Variants in PCLO observed in about 807,000 individuals in gnomAD.
PCLO encodes the protein piccolo presynaptic cytomatrix protein.
In PCLO, 82 loss-of-function variants were observed where a neutral mutation model predicts 427.5. That is an observed-to-expected ratio of 0.19 (90% CI 0.16 to 0.23). The LOEUF is 0.23. Among genes scored for constraint, PCLO ranks in the 10% least tolerant of loss-of-function variants. The probability of loss-of-function intolerance (pLI) is 1.00; values close to 1 mark genes in which losing one functional copy is unlikely to be tolerated. For synonymous variants in PCLO, 2,357 were observed against 2,155.4 expected (o/e 1.09, Z -2.59); for missense variants, 6,239 against 6,115.9 (o/e 1.02, Z -0.67).
intron 3 of PCLO, among the ~76,000 whole-genome samples, chr7:82,970,479 T>C (rs2115695770): frequency 6.6e-6 from 1 of 152,078 alleles, no homozygotes; most frequent in East Asian, 1.9e-4. Context: ...CTGAGGAATT[T>C]AGTTTGAAAC....
At chr7:83,022,098 G>T (rs1405014892) in intron 3 of PCLO, among the ~76,000 whole-genome samples, 1 of 152,146 alleles carries the variant, frequency 6.6e-6, no homozygotes. Context: ...GTACTGAAGT[G>T]ATGAGGGAGG....
chr7:83,081,126 T>C (rs928276388), intron 3 of PCLO, among the ~76,000 whole-genome samples: 1 of 151,990 alleles, frequency 6.6e-6, no homozygotes, highest in Non-Finnish European at 1.5e-5. Flanking sequence ...AGTGATAATC[T>C]GACAAAGTAG....
At chr7:83,001,851 C>T (rs184472847) in intron 3 of PCLO, among the ~76,000 whole-genome samples, 21 of 152,060 alleles carry the variant, frequency 1.4e-4, no homozygotes, top group Middle Eastern at 3.4e-3. Flanking sequence ...CCTCTGCTTG[C>T]GCTGTTTGTT....
intron 3 of PCLO, among the ~76,000 whole-genome samples, chr7:83,002,823 A>G (rs1051782393): frequency 1.3e-5 from 2 of 151,870 alleles, no homozygotes; most frequent in Admixed American, 1.3e-4. Flanking sequence ...TTTACTATGC[A>G]AATAATATGT....
chr7:82,907,962 A>T (rs1490844293), intron 8 of PCLO, among the ~76,000 whole-genome samples: 1 of 152,084 alleles, frequency 6.6e-6, no homozygotes, highest in Non-Finnish European at 1.5e-5. Flanking sequence ...GAATTATAGT[A>T]AGTCTATATG....
chr7:82,980,456 A>G (rs1336942963), intron 3 of PCLO, among the ~76,000 whole-genome samples: 4 of 152,160 alleles, frequency 2.6e-5, no homozygotes, highest in African/African-American at 7.2e-5. Flanking sequence ...TTTTTGAGTT[A>G]GAAAGTGGCA....
At chr7:83,122,168 A>G (rs1211002352) in intron 3 of PCLO, among the ~76,000 whole-genome samples, 2 of 152,196 alleles carry the variant, frequency 1.3e-5, no homozygotes, top group African/African-American at 4.8e-5. Context: ...CGACACAATA[A>G]AAGCCATATA....
intron 7 of PCLO, among the ~76,000 whole-genome samples, chr7:82,910,574 A>G (rs1794298425): frequency 6.6e-6 from 1 of 152,104 alleles, no homozygotes; most frequent in South Asian, 2.1e-4. Context: ...CCTTCCCTCA[A>G]TACTAAAATC....
At chr7:82,886,793 G>A (rs987019096) in intron 9 of PCLO, among the ~76,000 whole-genome samples, 1 of 152,106 alleles carries the variant, frequency 6.6e-6, no homozygotes, top group African/African-American at 2.4e-5. Flanking sequence ...ATTTCATGGT[G>A]TTAATAACTG....
At position 83,159,513 on chromosome 7, in the gene PCLO, C is replaced by A. The variant is rs140130221; in HGVS notation, c.248+2832G>T. ...CATGAGCATTTCATTTGTAACCTGT[C>A]TTCTACTGCTAGCTTGTAACTACTT... On this transcript the variant is annotated intron_variant, in intron 1 of 24. Coordinates refer to ENST00000333891, the MANE Select transcript of PCLO (RefSeq NM_033026.6). 4.3e-4 allele frequency among the ~76,000 whole-genome samples: 66 copies of A among 152,146 alleles called. 1 individual carries two copies. In the East Asian group the frequency reaches 0.011, roughly 26 times the overall value.
intron 22 of PCLO, among the ~76,000 whole-genome samples, chr7:82,785,893 C>G (rs939740681): frequency 3.3e-5 from 5 of 152,090 alleles, no homozygotes; most frequent in African/African-American, 1.2e-4. Context: ...AGGAGATAAA[C>G]TGGAGAAGTA....
intron 10 of PCLO, among the ~76,000 whole-genome samples, chr7:82,859,679 G>T (rs2115903017): frequency 6.6e-6 from 1 of 152,164 alleles, no homozygotes; most frequent in East Asian, 1.9e-4. Context: ...ATACCTAAGG[G>T]TCTTCAATGC....
chr7:82,849,001 G>A, intron 10 of PCLO: 1 of 273,112 alleles, frequency 3.7e-6, no homozygotes, highest in Non-Finnish European at 7.8e-6. Flanking sequence ...CGCTGAAAGA[G>A]GAAAATAAAG....
At chr7:82,879,762 A>G in intron 9 of PCLO, 1 of 433,596 alleles carries the variant, frequency 2.3e-6, no homozygotes, top group East Asian at 6.4e-5. Flanking sequence ...ATTTTGTAAA[A>G]ATTTTATGAG....
chr7:82,926,154 G>C (rs1252765630), intron 6 of PCLO, among the ~76,000 whole-genome samples: 2 of 152,118 alleles, frequency 1.3e-5, no homozygotes, highest in African/African-American at 4.8e-5. Context: ...TTGCAATAGG[G>C]CACAGTGTTT....
chr7:82,923,419 A>T, intron 6 of PCLO, among the ~76,000 whole-genome samples: 1 of 152,090 alleles, frequency 6.6e-6, no homozygotes, highest in East Asian at 1.9e-4. Flanking sequence ...CAAACTACAT[A>T]TTAAAATCTT....
In PCLO at chr7:82,840,956, TTATA is replaced by T. The variant is rs1166681253; in HGVS notation, c.14097+499_14097+502del. On this transcript the variant is annotated intron_variant, in intron 14 of 24. Coordinates refer to ENST00000333891, the MANE Select transcript of PCLO (RefSeq NM_033026.6). The stretch of plus-strand genomic sequence containing the variant: ...TAAAAAGATGATTATCTTTTTATTT[TTATA>T]TATTTTTCTTTATCTATTTTTATTT... Among the ~76,000 whole-genome samples, 8 of 151,700 alleles carry T rather than the reference TTATA, an allele frequency of 5.3e-5. No homozygotes were observed. The South Asian group carries it at 1.5e-3, about 28-fold the overall frequency.
intron 10 of PCLO, among the ~76,000 whole-genome samples, chr7:82,873,698 C>A (rs2116006107): frequency 6.6e-6 from 1 of 152,054 alleles, no homozygotes. Context: ...GTGTCCTCAC[C>A]CTTGCTCAAC....
chr7:83,155,649 G>A lies in PCLO; in HGVS notation c.992C>T (p.Pro331Leu). 6.2e-7 allele frequency: 1 copy of A among 1,613,708 alleles called. No individual in the cohort carries two copies. The highest frequency in any genetic ancestry group is 8.5e-7 in the Non-Finnish European group (1 of 1,179,858). Residue 331 changes from proline (P) to leucine (L), a missense_variant, in exon 2 of 25, where the codon CCC becomes CTC. Pro to Leu is a moderately conservative substitution (Grantham distance 98, BLOSUM62 -3). This residue lies in a region of PCLO where 4,677 missense variants were observed against 4,468.4 expected (regional missense o/e 1.05). Transcript: ENST00000333891. ...TGTTAGCCCTGAGGGCTGAGCTGGGGGCTTTGCAGGCCCAGGCTGTGATTT... is the reference window on the plus strand; with the variant it reads ...TGTTAGCCCTGAGGGCTGAGCTGGGAGCTTTGCAGGCCCAGGCTGTGATTT... Reference protein sequence around the residue: ...HEKSQPGPAKPPAQPSGLTKP... With the variant: ...HEKSQPGPAKLPAQPSGLTKP...
Sources: allele counts gnomAD v4.1 joint callset (sites outside exome capture counted in the v4.1 genomes callset), GRCh38; gene constraint gnomAD v4.1.1; regional missense constraint gnomAD v4.1.1; transcripts MANE v1.5; gene names NCBI Gene and HGNC (gene_info 2026-07-23, HGNC 2026-07-21).